Variants in CHLSN observed in about 807,000 individuals in gnomAD.
CHLSN encodes the protein cholesin.
chr7:989,075 A>T, the CHLSN span: 1 of 454,790 alleles, frequency 2.2e-6, no homozygotes, highest in Non-Finnish European at 3.9e-6. Context: ...GAGCGCCTCC[A>T]GGGCCCCGCC....
the CHLSN span, chr7:1,000,362 C>T: frequency 1.1e-5 from 10 of 948,052 alleles, no homozygotes; most frequent in South Asian, 3.3e-5. Context: ...CCCCGGGAGA[C>T]GTGCCTGCCC....
At chr7:1,071,702 T>C in the CHLSN span, among the ~76,000 whole-genome samples, 1 of 152,092 alleles carries the variant, frequency 6.6e-6, no homozygotes, top group African/African-American at 2.4e-5. Flanking sequence ...ACAGGACGCA[T>C]TGCCAGGGAA....
At chr7:986,584 G>C in the CHLSN span, 2 of 1,608,300 alleles carry the variant, frequency 1.2e-6, no homozygotes, top group Non-Finnish European at 1.7e-6. Context: ...GCAGCCCTGG[G>C]GCTGCGTCCT....
At chr7:1,066,085 G>T in the CHLSN span, among the ~76,000 whole-genome samples, 2 of 152,336 alleles carry the variant, frequency 1.3e-5, no homozygotes, top group East Asian at 3.9e-4. Context: ...ACACGACTCG[G>T]TGAGTTCCCG....
At chr7:1,115,064 CA>C in the CHLSN span, among the ~76,000 whole-genome samples, 2 of 152,230 alleles carry the variant, frequency 1.3e-5, no homozygotes, top group East Asian at 1.9e-4. Flanking sequence ...CTGCAGTCCA[CA>C]AAAGTGAAAG....
At chr7:1,085,764 T>G in the CHLSN span, among the ~76,000 whole-genome samples, 2 of 145,862 alleles carry the variant, frequency 1.4e-5, no homozygotes. Flanking sequence ...GCCTGGGAGG[T>G]GGAGGCTGCA....
At chr7:1,059,478 A>AGGGTCCATAGTGGGGC in the CHLSN span, among the ~76,000 whole-genome samples, 49 of 146,492 alleles carry the variant, frequency 3.3e-4, no homozygotes, top group African/African-American at 8.6e-4. Flanking sequence ...TGCAGTGAGG[A>AGGGTCCATAGTGGGGC]GGGTCCATAG....
the CHLSN span, among the ~76,000 whole-genome samples, chr7:1,041,384 G>A: frequency 6.2e-5 from 8 of 129,138 alleles, no homozygotes; most frequent in South Asian, 2.4e-4. Context: ...GCAGGGGAAC[G>A]GGACCTGGGG....
chr7:988,891 C>T, the CHLSN span: 8 of 996,886 alleles, frequency 8.0e-6, no homozygotes, highest in Non-Finnish European at 1.0e-5. Flanking sequence ...ACCCTCTCTC[C>T]TCCCACCCCA....
chr7:1,007,208 C>T, the CHLSN span, among the ~76,000 whole-genome samples: 149 of 152,344 alleles, frequency 9.8e-4, no homozygotes, highest in African/African-American at 3.6e-3. Context: ...ACACAGCCCA[C>T]CTGGCTGCAG....
the CHLSN span, among the ~76,000 whole-genome samples, chr7:1,019,208 A>C: frequency 3.5e-5 from 3 of 85,110 alleles, no homozygotes; most frequent in Non-Finnish European, 4.8e-5. Context: ...AAAAAAAAAA[A>C]AAACGGGGGG....
At chr7:1,103,379 A>G in the CHLSN span, among the ~76,000 whole-genome samples, 1 of 152,052 alleles carries the variant, frequency 6.6e-6, no homozygotes, top group African/African-American at 2.4e-5. Flanking sequence ...CTTTAAGGAA[A>G]ACCCCAGCTA....
the CHLSN span, among the ~76,000 whole-genome samples, chr7:1,030,383 G>T: frequency 1.3e-5 from 2 of 152,220 alleles, no homozygotes; most frequent in African/African-American, 2.4e-5. Context: ...TGGGAGACAA[G>T]GACAAGAGCA....
chr7:1,107,329 C>T, the CHLSN span, among the ~76,000 whole-genome samples: 294 of 152,192 alleles, frequency 1.9e-3, no homozygotes, highest in Middle Eastern at 3.4e-3. Flanking sequence ...TCAACAAATA[C>T]GGTCCCATCT....
At chr7:1,116,756 C>G in the CHLSN span, among the ~76,000 whole-genome samples, 1 of 53,248 alleles carries the variant, frequency 1.9e-5, no homozygotes. Flanking sequence ...TACAGCTCTA[C>G]GGACAGGCTT....
the CHLSN span, among the ~76,000 whole-genome samples, chr7:1,006,314 C>T: frequency 3.3e-5 from 5 of 152,004 alleles, no homozygotes; most frequent in Non-Finnish European, 5.9e-5. Context: ...CACACGACGG[C>T]CACAGTGCAG....
the CHLSN span, among the ~76,000 whole-genome samples, chr7:995,118 T>C: frequency 4.6e-5 from 7 of 152,234 alleles, no homozygotes; most frequent in Non-Finnish European, 1.0e-4. Context: ...CACAGCCCGT[T>C]CTCTGGCACA....
At chr7:1,067,915 G>A in the CHLSN span, among the ~76,000 whole-genome samples, 5 of 151,856 alleles carry the variant, frequency 3.3e-5, no homozygotes, top group African/African-American at 9.7e-5. Context: ...CCAGAGGTGA[G>A]GGTTTGGGGC....
chr7:1,125,356 C>G, the CHLSN span, among the ~76,000 whole-genome samples: 1 of 152,338 alleles, frequency 6.6e-6, no homozygotes, highest in Admixed American at 6.5e-5. Context: ...TCATGAAAAA[C>G]AGGGCCACCT....
Sources: allele counts gnomAD v4.1 joint callset (sites outside exome capture counted in the v4.1 genomes callset), GRCh38; gene constraint gnomAD v4.1.1; transcripts MANE v1.5; gene names NCBI Gene and HGNC (gene_info 2026-07-23, HGNC 2026-07-21).